The following KIAA1217 variants were observed in gnomAD, a reference collection of about 807,000 sequenced individuals.
KIAA1217 encodes the protein KIAA1217.
Under a neutral mutation model 163.9 loss-of-function variants are expected in KIAA1217, and 88 were observed. The ratio of observed to expected loss-of-function variants is 0.54; its 90% CI spans 0.45 to 0.64. The LOEUF (loss-of-function observed/expected upper bound fraction) is 0.64, where lower values mean the gene tolerates loss of function less well. Among genes scored for constraint, KIAA1217 ranks in the 30% least tolerant of loss-of-function variants. The probability of loss-of-function intolerance (pLI) is 0.00; values close to 1 mark genes in which losing one functional copy is unlikely to be tolerated. For missense variants in KIAA1217, 2,372 were observed against 2,475.0 expected (o/e 0.96, Z 0.88); for synonymous variants, 903 against 923.1 (o/e 0.98, Z 0.39).
intron 2 of KIAA1217, among the ~76,000 whole-genome samples, chr10:24,099,160 T>C (rs1289493810): frequency 6.6e-6 from 1 of 151,682 alleles, no homozygotes; most frequent in Non-Finnish European, 1.5e-5. Flanking sequence ...TTTTTATTTT[T>C]ATTTTTATTT....
rs75770041 is a variant in KIAA1217, at chr10:24,491,005, C to T, written c.1680-3495C>T. On this transcript the variant is annotated intron_variant, in intron 6 of 20. Coordinates refer to ENST00000376454, the MANE Select transcript of KIAA1217 (RefSeq NM_019590.5). ...TCTTATCCCAGACCGTTCTGCAACTCTGTCAATGTCAGCCTTAAAGAAGAA... is the reference window on the plus strand; with the variant it reads ...TCTTATCCCAGACCGTTCTGCAACTTTGTCAATGTCAGCCTTAAAGAAGAA... Among the ~76,000 whole-genome samples the T allele has an allele frequency of 7.8e-4, 119 of 152,332 alleles. 2 individuals are homozygous for T. In the East Asian group the frequency reaches 0.022, roughly 29 times the overall value.
chr10:23,748,665 CAG>C (rs1489570959), intron 1 of KIAA1217, among the ~76,000 whole-genome samples: 1 of 152,020 alleles, frequency 6.6e-6, no homozygotes, highest in Non-Finnish European at 1.5e-5. Context: ...CCTGTGTTTT[CAG>C]AGTCAGTAGT....
chr10:24,052,106 T>C (rs138404214), intron 2 of KIAA1217, among the ~76,000 whole-genome samples: 1 of 152,316 alleles, frequency 6.6e-6, no homozygotes, highest in African/African-American at 2.4e-5. Flanking sequence ...CTATTTTCTG[T>C]TGCTACTTGC....
At chr10:23,737,568 C>G (rs995858017) in intron 1 of KIAA1217, among the ~76,000 whole-genome samples, 6 of 151,980 alleles carry the variant, frequency 3.9e-5, no homozygotes, top group Non-Finnish European at 5.9e-5. Context: ...CTCATTGCCC[C>G]CAAAGATTAC....
intron 2 of KIAA1217, among the ~76,000 whole-genome samples, chr10:24,064,154 C>T (rs1180353632): frequency 6.6e-6 from 1 of 152,090 alleles, no homozygotes; most frequent in East Asian, 1.9e-4. Context: ...GCCTGATTGC[C>T]CTGGCCAGAA....
chr10:24,284,235 T>A (rs12259302), intron 2 of KIAA1217, among the ~76,000 whole-genome samples: 3,511 of 152,138 alleles, frequency 0.023, 140 homozygotes, highest in African/African-American at 0.081. Flanking sequence ...TAAAAGAAAT[T>A]TTAATTTTAG....
At chr10:23,852,196 G>A (rs1265098414) in intron 1 of KIAA1217, among the ~76,000 whole-genome samples, 1 of 152,106 alleles carries the variant, frequency 6.6e-6, no homozygotes, top group South Asian at 2.1e-4. Flanking sequence ...TTTGTATCAG[G>A]TGTAAGGAAG....
chr10:24,465,340 CTTTAATAACCACAAA>C (rs2062829214), intron 5 of KIAA1217, among the ~76,000 whole-genome samples: 1 of 152,168 alleles, frequency 6.6e-6, no homozygotes. Flanking sequence ...TTGCCCCCTT[CTTTAATAACCACAAA>C]GTGATTTGAT....
chr10:23,960,797 G>T (rs1844788910), intron 1 of KIAA1217, among the ~76,000 whole-genome samples: 2 of 152,198 alleles, frequency 1.3e-5, no homozygotes, highest in African/African-American at 4.8e-5. Context: ...CATATTTCAT[G>T]TAATCATTCT....
chr10:23,744,684 G>C (rs768367656), intron 1 of KIAA1217, among the ~76,000 whole-genome samples: 2 of 152,182 alleles, frequency 1.3e-5, no homozygotes, highest in Non-Finnish European at 2.9e-5. Flanking sequence ...CATTTACCCC[G>C]TGTTAGGGTT....
chr10:24,415,475 C>T (rs1399251244), intron 3 of KIAA1217, among the ~76,000 whole-genome samples: 3 of 151,980 alleles, frequency 2.0e-5, no homozygotes, highest in African/African-American at 7.2e-5. Flanking sequence ...TCTTCTTTCC[C>T]ACTTGCTCTT....
At chr10:24,107,067 GT>G (rs2062659813) in intron 2 of KIAA1217, among the ~76,000 whole-genome samples, 1 of 152,130 alleles carries the variant, frequency 6.6e-6, no homozygotes, top group South Asian at 2.1e-4. Context: ...CCCAATGTCT[GT>G]TGTTCCCTTG....
At chr10:24,506,215 T>G (rs2068335507) in intron 9 of KIAA1217, among the ~76,000 whole-genome samples, 1 of 151,934 alleles carries the variant, frequency 6.6e-6, no homozygotes, top group African/African-American at 2.4e-5. Context: ...GGATCAGGAG[T>G]CGTTCTGAGG....
chr10:23,908,142 G>C (rs1842251762), intron 1 of KIAA1217, among the ~76,000 whole-genome samples: 1 of 152,078 alleles, frequency 6.6e-6, no homozygotes, highest in African/African-American at 2.4e-5. Flanking sequence ...GGAGGCAAGT[G>C]TAATTACAAG....
intron 1 of KIAA1217, among the ~76,000 whole-genome samples, chr10:23,910,040 T>A (rs1481440539): frequency 6.6e-6 from 1 of 152,096 alleles, no homozygotes; most frequent in African/African-American, 2.4e-5. Context: ...GTTTCTCTAA[T>A]GACCATTGAC....
intron 2 of KIAA1217, among the ~76,000 whole-genome samples, chr10:24,220,736 A>G (rs1213345691): frequency 2.5e-4 from 37 of 146,408 alleles, no homozygotes; most frequent in African/African-American, 9.2e-4. Context: ...TTACAGGCGT[A>G]AGCCACTGCA....
chr10:24,148,334 A>G (rs2064436196), intron 2 of KIAA1217, among the ~76,000 whole-genome samples: 1 of 152,172 alleles, frequency 6.6e-6, no homozygotes, highest in South Asian at 2.1e-4. Flanking sequence ...CAGTTTTGTA[A>G]AGCTAAAAAA....
At chr10:24,219,150 C>G (rs945428445) in intron 1 of KIAA1217, among the ~76,000 whole-genome samples, 4 of 152,236 alleles carry the variant, frequency 2.6e-5, no homozygotes, top group South Asian at 4.2e-4. Flanking sequence ...ACAACTGTCA[C>G]CTACCCAGGC....
chr10:24,106,265 G>A (rs1241775395), intron 2 of KIAA1217, among the ~76,000 whole-genome samples: 1 of 152,092 alleles, frequency 6.6e-6, no homozygotes, highest in East Asian at 1.9e-4. Flanking sequence ...CTTGCAATTA[G>A]GTGTAGCCAT....
Sources: gnomAD v4.1 joint callset for allele counts (sites outside exome capture counted in the v4.1 genomes callset) on GRCh38, gnomAD v4.1.1 for gene constraint, MANE v1.5 for transcripts, NCBI Gene and HGNC (gene_info 2026-07-23, HGNC 2026-07-21) for gene names.